FERRY3: variants seen among roughly 807,000 people sequenced by gnomAD.
FERRY3 encodes the protein protein C12orf4.
At chr12:4,536,748 C>T in the FERRY3 span, among the ~76,000 whole-genome samples, 1 of 152,032 alleles carries the variant, frequency 6.6e-6, no homozygotes, top group African/African-American at 2.4e-5. Flanking sequence ...CCTCCACTTC[C>T]GGCCCACACC....
the FERRY3 span, among the ~76,000 whole-genome samples, chr12:4,535,337 C>A: frequency 6.6e-6 from 1 of 152,210 alleles, no homozygotes; most frequent in South Asian, 2.1e-4. The surrounding 1 kb of genome is among the most constrained non-coding windows in gnomAD (Gnocchi z 4.0). Flanking sequence ...GTCTAACAAG[C>A]TTGCAGGTGA....
the FERRY3 span, among the ~76,000 whole-genome samples, chr12:4,496,751 T>C: frequency 6.6e-6 from 1 of 152,224 alleles, no homozygotes; most frequent in African/African-American, 2.4e-5. Flanking sequence ...CTTCACTGTA[T>C]GTCTTGGAAT....
chr12:4,503,294 TG>T, the FERRY3 span, among the ~76,000 whole-genome samples: 688 of 152,330 alleles, frequency 4.5e-3, 2 homozygotes, highest in Non-Finnish European at 7.4e-3. Flanking sequence ...GTTAAGAAGA[TG>T]TGATTTCTAG....
chr12:4,513,570 A>G, the FERRY3 span, among the ~76,000 whole-genome samples: 1 of 151,842 alleles, frequency 6.6e-6, no homozygotes, highest in Non-Finnish European at 1.5e-5. Context: ...AACAGAACAG[A>G]GCCCTCAGAA....
At chr12:4,514,611 T>C in the FERRY3 span, among the ~76,000 whole-genome samples, 355 of 151,466 alleles carry the variant, frequency 2.3e-3, no homozygotes, top group African/African-American at 7.9e-3. Context: ...TGGATGAAAT[T>C]GGAAATCATC....
the FERRY3 span, among the ~76,000 whole-genome samples, chr12:4,523,833 T>C: frequency 2.0e-5 from 3 of 152,056 alleles, no homozygotes; most frequent in Non-Finnish European, 4.4e-5. Flanking sequence ...GGGGAAGGGA[T>C]AGCATTAGGA....
At chr12:4,509,501 T>C in the FERRY3 span, among the ~76,000 whole-genome samples, 1 of 150,300 alleles carries the variant, frequency 6.7e-6, no homozygotes, top group Non-Finnish European at 1.5e-5. Context: ...TGTCCCTGTC[T>C]GACAGCTTTG....
At chr12:4,489,690 T>C in the FERRY3 span, 16 of 706,832 alleles carry the variant, frequency 2.3e-5, no homozygotes, top group African/African-American at 2.5e-4. Context: ...TCTTGATTTG[T>C]GGATTGAGCT....
chr12:4,534,428 G>GTC, the FERRY3 span: 48 of 1,063,062 alleles, frequency 4.5e-5, no homozygotes, highest in South Asian at 1.6e-4. Flanking sequence ...TAGAGATGGG[G>GTC]TCTCTCTCTC....
the FERRY3 span, chr12:4,488,342 CCT>C: frequency 2.0e-5 from 3 of 152,252 alleles, no homozygotes; most frequent in African/African-American, 7.2e-5. This position sits in a 1 kb window ranked among gnomAD's most constrained non-coding sequence, Gnocchi z 4.9. Flanking sequence ...CTGGTTTCTG[CCT>C]CTGTCTTCCC....
At chr12:4,530,120 T>C in the FERRY3 span, 1 of 1,412,288 alleles carries the variant, frequency 7.1e-7, no homozygotes, top group South Asian at 1.3e-5. Context: ...ACTAGAAAAG[T>C]ATGTATGATT....
At chr12:4,513,476 C>G in the FERRY3 span, among the ~76,000 whole-genome samples, 2 of 149,800 alleles carry the variant, frequency 1.3e-5, no homozygotes, top group Non-Finnish European at 3.0e-5. Context: ...AGGCATCACA[C>G]TACCTGACTT....
At chr12:4,511,278 C>T in the FERRY3 span, among the ~76,000 whole-genome samples, 12 of 151,080 alleles carry the variant, frequency 7.9e-5, no homozygotes, top group Admixed American at 1.3e-4. Flanking sequence ...TAGACTCCCA[C>T]ACATTAATAA....
chr12:4,496,872 A>G, the FERRY3 span, among the ~76,000 whole-genome samples: 1 of 152,206 alleles, frequency 6.6e-6, no homozygotes, highest in South Asian at 2.1e-4. Flanking sequence ...TGTGTTAATA[A>G]GTTTCACAGT....
the FERRY3 span, among the ~76,000 whole-genome samples, chr12:4,513,830 A>G: frequency 3.4e-3 from 523 of 152,250 alleles, 3 homozygotes; most frequent in African/African-American, 0.011. Flanking sequence ...GGACATAGGC[A>G]TGGGCAAGGA....
the FERRY3 span, among the ~76,000 whole-genome samples, chr12:4,521,340 C>G: frequency 6.6e-6 from 1 of 152,030 alleles, no homozygotes; most frequent in East Asian, 1.9e-4. Context: ...TGTACTCCAG[C>G]CTGGGAGACA....
At chr12:4,504,322 C>A in the FERRY3 span, among the ~76,000 whole-genome samples, 2 of 152,148 alleles carry the variant, frequency 1.3e-5, no homozygotes, top group Non-Finnish European at 2.9e-5. Flanking sequence ...ATGGCTATTT[C>A]TGAAACTGTA....
the FERRY3 span, among the ~76,000 whole-genome samples, chr12:4,508,471 G>A: frequency 6.6e-6 from 1 of 152,190 alleles, no homozygotes; most frequent in Non-Finnish European, 1.5e-5. Context: ...CTTGCCAGGT[G>A]CAGTGGCTCA....
the FERRY3 span, chr12:4,536,145 T>C: frequency 8.7e-5 from 139 of 1,604,976 alleles, no homozygotes; most frequent in Non-Finnish European, 9.1e-5. Context: ...TTTAAATTTA[T>C]ATACAAATTC....
Sources: allele counts gnomAD v4.1 joint callset (sites outside exome capture counted in the v4.1 genomes callset), GRCh38; gene constraint gnomAD v4.1.1; non-coding constraint Gnocchi (gnomAD v3.1); transcripts MANE v1.5; gene names NCBI Gene and HGNC (gene_info 2026-07-23, HGNC 2026-07-21).